The following IL2RA variants were observed in gnomAD, a reference collection of about 807,000 sequenced individuals.
IL2RA encodes interleukin 2 receptor subunit alpha, also known as interleukin-2 receptor subunit alpha.
In IL2RA, 24 loss-of-function variants were observed where a neutral mutation model predicts 37.8. That is an observed-to-expected ratio of 0.63 (90% CI 0.46 to 0.89). The LOEUF is 0.89. IL2RA is among the 40% of genes least tolerant of loss of function. The pLI is 0.00. For missense variants in IL2RA, 319 were observed against 348.6 expected, an observed-to-expected ratio of 0.92 and a Z score of 0.68; for synonymous variants, 125 against 114.6, an observed-to-expected ratio of 1.09 and a Z score of -0.58.
chr10:6,042,474 A>T (rs1405874265), intron 1 of IL2RA, among the ~76,000 whole-genome samples: 1 of 152,164 alleles, frequency 6.6e-6, no homozygotes, highest in East Asian at 1.9e-4. Context: ...AAACATATAC[A>T]ATTCCTGCTT....
rs1429254621 is a variant in IL2RA, at chr10:6,044,079, A to C, written c.64+18009T>G. Among the ~76,000 whole-genome samples the C allele has an allele frequency of 6.6e-6, 1 of 152,166 alleles. No individual in the cohort carries two copies. Among genetic ancestry groups the C allele is most frequent in the East Asian group, 1.9e-4 (1 of 5,192 alleles). ...CGGGGAAAGTCTAACTCCCAATTTT[A>C]TTTATGAAGTCAATCATCCAAATCA... is the stretch of plus-strand genomic sequence containing the variant. On this transcript the variant is annotated intron_variant, in intron 1 of 7. Coordinates refer to ENST00000379959, the MANE Select transcript of IL2RA (RefSeq NM_000417.3). This position sits in a 1 kb window ranked among gnomAD's most constrained non-coding sequence, Gnocchi z 4.5.
chr10:6,032,040 A>G (rs1417721757), intron 1 of IL2RA, among the ~76,000 whole-genome samples: 1 of 152,192 alleles, frequency 6.6e-6, no homozygotes, highest in Non-Finnish European at 1.5e-5. Context: ...AATGGACTCA[A>G]CTCATGTTTG....
intron 1 of IL2RA, among the ~76,000 whole-genome samples, chr10:6,034,602 TATC>T (rs1839650977): frequency 6.6e-6 from 1 of 152,206 alleles, no homozygotes; most frequent in East Asian, 1.9e-4. Context: ...TTCCCTATAT[TATC>T]ATTCTTTTAT....
intron 1 of IL2RA, among the ~76,000 whole-genome samples, chr10:6,060,099 G>A (rs1362294368): frequency 6.6e-6 from 1 of 152,154 alleles, no homozygotes; most frequent in Admixed American, 6.5e-5. Context: ...TACTTGAAAT[G>A]TGTCTTCCAG....
At chr10:6,024,816 C>T (rs919235117) in intron 2 of IL2RA, among the ~76,000 whole-genome samples, 3 of 152,212 alleles carry the variant, frequency 2.0e-5, no homozygotes, top group African/African-American at 7.2e-5. Context: ...GTTAGAGACG[C>T]CATCTTAACA....
chr10:6,051,589 G>A (rs1380787913), intron 1 of IL2RA, among the ~76,000 whole-genome samples: 21 of 142,098 alleles, frequency 1.5e-4, no homozygotes, highest in African/African-American at 4.7e-4. Context: ...GCTCAATCTC[G>A]GCTCACTGCA....
chr10:6,052,818 G>A (rs1168664360), intron 1 of IL2RA, among the ~76,000 whole-genome samples: 3 of 152,168 alleles, frequency 2.0e-5, no homozygotes, highest in African/African-American at 7.2e-5. Flanking sequence ...ACTCACGCCC[G>A]GAGGTGCTCA....
rs148660219 is a variant in IL2RA at position 6,048,094 on chromosome 10, G to T, written c.64+13994C>A. 5.8e-3 allele frequency among the ~76,000 whole-genome samples: 890 copies of T among 152,322 alleles called. 8 individuals carry two copies. Among genetic ancestry groups the T allele is most frequent in the African/African-American group, 0.021 (858 of 41,574 alleles). ...CCCGCCTATCCTCCCTCATGTGCTG[G>T]CTGCATCCTGCTCCCGTGGCCCCTG... is the stretch of plus-strand genomic sequence containing the variant. On this transcript the variant is annotated intron_variant, in intron 1 of 7. Transcript: ENST00000379959. The surrounding 1 kb of genome is among the most constrained non-coding windows in gnomAD (Gnocchi z 5.3).
At chr10:6,042,337 A>G (rs1839785656) in intron 1 of IL2RA, among the ~76,000 whole-genome samples, 1 of 151,868 alleles carries the variant, frequency 6.6e-6, no homozygotes, top group African/African-American at 2.4e-5. Flanking sequence ...TTATTGATTA[A>G]AAGAAAAAAA....
intron 1 of IL2RA, among the ~76,000 whole-genome samples, chr10:6,053,189 A>G (rs1160939217): frequency 1.3e-5 from 2 of 152,196 alleles, no homozygotes; most frequent in Admixed American, 6.5e-5. Context: ...GGAGGAAAAA[A>G]GGCAGGTTCT....
chr10:6,054,195 A>C lies in IL2RA; in HGVS notation c.64+7893T>G, dbSNP rs1924138. Among the ~76,000 whole-genome samples, 77,007 of 151,562 alleles carry C rather than the reference A, an allele frequency of 0.51. 21,305 individuals carry two copies. Among genetic ancestry groups the C allele is most frequent in the South Asian group, 0.68 (3,294 of 4,810 alleles). On this transcript the variant is annotated intron_variant, in intron 1 of 7. Coordinates refer to ENST00000379959, the MANE Select transcript of IL2RA (RefSeq NM_000417.3). This position sits in a 1 kb window ranked among gnomAD's most constrained non-coding sequence, Gnocchi z 4.5. Reference sequence around the variant, plus strand: ...CTGCAGGCGGAGCTGCTGGTCAAAAACCCCCCGGGGAACTGGTTGGGTGTG... The same window carrying C: ...CTGCAGGCGGAGCTGCTGGTCAAAACCCCCCCGGGGAACTGGTTGGGTGTG...
Position 6,025,921 on chromosome 10 carries a change from T to C in IL2RA, c.169A>G (p.Arg57Gly). 1 of 1,614,226 alleles carries C rather than the reference T, an allele frequency of 6.2e-7. No homozygotes were observed. The highest frequency in any genetic ancestry group is 8.5e-7 in the Non-Finnish European group (1 of 1,180,044). Residue 57 changes from arginine (R) to glycine (G), a missense_variant, in exon 2 of 8, where the codon AGA becomes GGA. Transcript: ENST00000379959. This position sits in a 1 kb window ranked among gnomAD's most constrained non-coding sequence, Gnocchi z 4.4. ...ATATAGAGTGACCCGCTTTTTATTC[T>C]GCGGAAACCTCTCTTGCATTCACAG... ...LNCECKRGFR[R>G]IKSGSLYMLC...
chr10:6,027,177 T>A (rs1229221176), intron 1 of IL2RA, among the ~76,000 whole-genome samples: 1 of 151,972 alleles, frequency 6.6e-6, no homozygotes, highest in Non-Finnish European at 1.5e-5. Context: ...TACAAAAAAA[T>A]TAGCCGGGCG....
intron 1 of IL2RA, among the ~76,000 whole-genome samples, chr10:6,032,377 A>G (rs1470448221): frequency 6.6e-6 from 1 of 152,148 alleles, no homozygotes; most frequent in Non-Finnish European, 1.5e-5. Flanking sequence ...GAGAATGTCT[A>G]CTCATCCAGA....
At chr10:6,043,735 A>G (rs1839808380) in intron 1 of IL2RA, among the ~76,000 whole-genome samples, 1 of 152,198 alleles carries the variant, frequency 6.6e-6, no homozygotes, top group Non-Finnish European at 1.5e-5. Flanking sequence ...ATCACGCACG[A>G]CAAGAGCATG....
intron 1 of IL2RA, among the ~76,000 whole-genome samples, chr10:6,059,614 C>A (rs1047373156): frequency 6.6e-6 from 1 of 152,164 alleles, no homozygotes; most frequent in East Asian, 1.9e-4. Flanking sequence ...TTCATTTTAC[C>A]TCATCCTAAC....
intron 1 of IL2RA, among the ~76,000 whole-genome samples, chr10:6,031,488 A>AAG (rs1564545969): frequency 3.4e-5 from 1 of 29,068 alleles, no homozygotes; most frequent in East Asian, 1.1e-3. Flanking sequence ...ATATATATAT[A>AAG]TATATGTATA....
Position 6,020,050 on chromosome 10 carries a change from G to A in IL2RA, c.584-109C>T, listed in dbSNP as rs2274036. Reference sequence around the variant, plus strand: ...GCCCCAGACACGCCCGAGGAGGCAGGAATCCTGGTGTGGGCACTTCGCCAG... The same window carrying A: ...GCCCCAGACACGCCCGAGGAGGCAGAAATCCTGGTGTGGGCACTTCGCCAG... On this transcript the variant is annotated intron_variant, in intron 4 of 7. Transcript: ENST00000379959. The surrounding 1 kb of genome is among the most constrained non-coding windows in gnomAD (Gnocchi z 5.6). 0.019 allele frequency: 16,696 copies of A among 887,862 alleles called. 893 individuals carry two copies. The highest frequency in any genetic ancestry group is 0.15 in the East Asian group (6,096 of 40,834). The allele number at this position is 887,862 out of a possible 1,614,324, so 55.0% of individuals were successfully genotyped here. A position where few individuals can be genotyped will look rare whatever the true frequency, so the allele number is the denominator to read the frequency against.
intron 1 of IL2RA, among the ~76,000 whole-genome samples, chr10:6,049,191 G>A (rs1462851443): frequency 1.3e-5 from 2 of 152,204 alleles, no homozygotes; most frequent in Non-Finnish European, 2.9e-5. Context: ...GGGCCCTGCT[G>A]TAAGTCCCAG....
Sources: allele counts gnomAD v4.1 joint callset (sites outside exome capture counted in the v4.1 genomes callset), GRCh38; gene constraint gnomAD v4.1.1; non-coding constraint Gnocchi (gnomAD v3.1); transcripts MANE v1.5; gene names NCBI Gene and HGNC (gene_info 2026-07-23, HGNC 2026-07-21).